Variants in ZCCHC14 observed in about 807,000 individuals in gnomAD.
ZCCHC14 encodes the protein zinc finger CCHC domain-containing protein 14.
In ZCCHC14, 16 loss-of-function variants were observed where a neutral mutation model predicts 85.0. That is an observed-to-expected ratio of 0.19 (90% CI 0.13 to 0.29). ZCCHC14 has a LOEUF of 0.29. Ranked by LOEUF, ZCCHC14 falls within the 10% of genes least tolerant of loss-of-function variation. The pLI is 1.00. For synonymous variants in ZCCHC14, 775 were observed against 630.7 expected (o/e 1.23, Z -3.43); for missense variants, 1,303 against 1,443.5 (o/e 0.90, Z 1.58).
rs1909025247 is a variant in ZCCHC14 at position 87,420,282 on chromosome 16, A to G, written c.950+325T>C. ...AGGGTCCAGAGAAACTGTTTAAGAG[A>G]CGCCAATTTTATCTGGGAATAGTCT... On this transcript the variant is annotated intron_variant, in intron 5 of 12. Transcript: ENST00000671377. This position sits in a 1 kb window ranked among gnomAD's most constrained non-coding sequence, Gnocchi z 5.0. Among the ~76,000 whole-genome samples the G allele has an allele frequency of 6.6e-6, 1 of 152,312 alleles. No individual in the cohort carries two copies. Among genetic ancestry groups the G allele is most frequent in the African/African-American group, 2.4e-5 (1 of 41,556 alleles).
intron 3 of ZCCHC14, among the ~76,000 whole-genome samples, chr16:87,426,570 G>A (rs1909381938): frequency 6.6e-6 from 1 of 152,172 alleles, no homozygotes. Context: ...GAACATCAGT[G>A]TTTTTCCACA....
At chr16:87,475,193 C>A (rs76389925) in intron 1 of ZCCHC14, among the ~76,000 whole-genome samples, 3 of 152,254 alleles carry the variant, frequency 2.0e-5, no homozygotes, top group Non-Finnish European at 2.9e-5. Context: ...AACAGAAAGG[C>A]AAAGGGACTT....
At chr16:87,432,515 G>A (rs1315013703) in intron 3 of ZCCHC14, among the ~76,000 whole-genome samples, 1 of 152,154 alleles carries the variant, frequency 6.6e-6, no homozygotes, top group Non-Finnish European at 1.5e-5. Context: ...ATGGCACAGA[G>A]TAGCCAGAGG....
chr16:87,406,401 A>G lies in ZCCHC14; in HGVS notation c.*3879T>C, dbSNP rs1002203906. ...TTACAATTCAAAATCAAATTAGCGGAATATTAAATATTTACAAAACTATAT... is the reference window on the plus strand; with the variant it reads ...TTACAATTCAAAATCAAATTAGCGGGATATTAAATATTTACAAAACTATAT... On this transcript the variant is annotated 3_prime_UTR_variant, in exon 13 of 13. Coordinates refer to ENST00000671377, the MANE Select transcript of ZCCHC14 (RefSeq NM_015144.3). 2 of 152,668 alleles carry G rather than the reference A, an allele frequency of 1.3e-5. No individual in the cohort carries two copies. The highest frequency in any genetic ancestry group is 2.9e-5 in the Non-Finnish European group (2 of 68,048). 9.5% of individuals were successfully genotyped at this position (152,668 alleles called of 1,614,324 possible). A position where few individuals can be genotyped will look rare whatever the true frequency, so the allele number is the denominator to read the frequency against.
chr16:87,448,604 C>A (rs558250841), intron 2 of ZCCHC14, among the ~76,000 whole-genome samples: 1 of 152,184 alleles, frequency 6.6e-6, no homozygotes, highest in Non-Finnish European at 1.5e-5. Context: ...ATTCGGCAAT[C>A]CTCGAACACT....
chr16:87,431,130 A>G (rs1343470548), intron 3 of ZCCHC14, among the ~76,000 whole-genome samples: 1 of 151,100 alleles, frequency 6.6e-6, no homozygotes, highest in Non-Finnish European at 1.5e-5. Context: ...AGAGCAAGAC[A>G]GTGTCAAAAA....
intron 2 of ZCCHC14, among the ~76,000 whole-genome samples, chr16:87,455,284 G>A (rs565704895): frequency 3.3e-5 from 5 of 151,120 alleles, no homozygotes; most frequent in Admixed American, 2.0e-4. Context: ...GTGAAACTCC[G>A]TCCCCCCCCG....
At chr16:87,410,409 A>G in intron 12 of ZCCHC14, 74 bp from the exon 13 acceptor site, 1 of 683,350 alleles carries the variant, frequency 1.5e-6, no homozygotes, top group Non-Finnish European at 2.7e-6. Context: ...CTGTCCAGTC[A>G]TGTCCAGAGC....
intron 4 of ZCCHC14, among the ~76,000 whole-genome samples, chr16:87,421,779 C>T (rs1909110771): frequency 6.6e-6 from 1 of 152,128 alleles, no homozygotes; most frequent in African/African-American, 2.4e-5. Flanking sequence ...GAGCCCAGTG[C>T]CAGCTTCATC....
At chr16:87,435,191 C>T (rs750001665) in intron 2 of ZCCHC14, among the ~76,000 whole-genome samples, 1 of 152,152 alleles carries the variant, frequency 6.6e-6, no homozygotes, top group Middle Eastern at 3.2e-3. Context: ...CAAGGACCTG[C>T]TCTGTGCACA....
chr16:87,433,446 G>C (rs985806580), intron 2 of ZCCHC14, among the ~76,000 whole-genome samples: 24 of 152,156 alleles, frequency 1.6e-4, no homozygotes, highest in African/African-American at 5.8e-4. Context: ...GGAAGGGCAG[G>C]AACGGCACTG....
intron 2 of ZCCHC14, among the ~76,000 whole-genome samples, chr16:87,447,538 T>C (rs1055364266): frequency 2.0e-5 from 3 of 152,196 alleles, no homozygotes; most frequent in African/African-American, 7.2e-5. Flanking sequence ...TTACATGTAT[T>C]AGCTTTGAAA....
At chr16:87,428,733 G>C (rs1909499375) in intron 3 of ZCCHC14, among the ~76,000 whole-genome samples, 1 of 152,224 alleles carries the variant, frequency 6.6e-6, no homozygotes, top group Non-Finnish European at 1.5e-5. Context: ...TGTTGCTACA[G>C]ATGAGTCTGC....
Position 87,408,264 on chromosome 16 carries a change from C to T in ZCCHC14, c.*2016G>A, listed in dbSNP as rs773991259. ...CCTTTTGTTATGAGACGGTTTTCAA[C>T]AATTTCAGTGTTGAAATAGGATTTA... On this transcript the variant is annotated 3_prime_UTR_variant, in exon 13 of 13. Transcript: ENST00000671377. 2.6e-5 allele frequency: 4 copies of T among 152,494 alleles called. No individual in the cohort carries two copies. Among genetic ancestry groups the T allele is most frequent in the Non-Finnish European group, 4.4e-5 (3 of 68,012 alleles). The allele number at this position is 152,494 out of a possible 1,614,324, so 9.4% of individuals were successfully genotyped here.
intron 1 of ZCCHC14, chr16:87,467,227 C>A (rs771468151): frequency 7.6e-5 from 118 of 1,553,232 alleles, no homozygotes; most frequent in Non-Finnish European, 9.8e-5. Context: ...CGAATGAGGA[C>A]TGCAAGCCTC....
At chr16:87,442,514 CACAG>C (rs1307794761) in intron 2 of ZCCHC14, among the ~76,000 whole-genome samples, 2 of 152,136 alleles carry the variant, frequency 1.3e-5, no homozygotes, top group Non-Finnish European at 2.9e-5. Flanking sequence ...TCCTGAGATG[CACAG>C]ACAGACAGAA....
chr16:87,462,610 G>A (rs1238486966), intron 1 of ZCCHC14, among the ~76,000 whole-genome samples: 1 of 151,556 alleles, frequency 6.6e-6, no homozygotes, highest in Non-Finnish European at 1.5e-5. Flanking sequence ...CATGGTGGCG[G>A]GTGCTTGTAG....
chr16:87,426,300 G>T (rs1597408649), intron 3 of ZCCHC14, among the ~76,000 whole-genome samples: 1 of 152,152 alleles, frequency 6.6e-6, no homozygotes, highest in Admixed American at 6.5e-5. Context: ...CCGTACTATG[G>T]GGACACGTGT....
intron 3 of ZCCHC14, among the ~76,000 whole-genome samples, chr16:87,431,036 G>A (rs974959773): frequency 6.6e-6 from 1 of 152,028 alleles, no homozygotes; most frequent in Non-Finnish European, 1.5e-5. Flanking sequence ...GCTACTAGGA[G>A]GCTAAGGTGA....
Sources: allele counts gnomAD v4.1 joint callset (sites outside exome capture counted in the v4.1 genomes callset), GRCh38; gene constraint gnomAD v4.1.1; non-coding constraint Gnocchi (gnomAD v3.1); transcripts MANE v1.5; gene names NCBI Gene and HGNC (gene_info 2026-07-23, HGNC 2026-07-21).